OXCT1: variants seen among roughly 807,000 people sequenced by gnomAD.
OXCT1 encodes succinyl-CoA:3-ketoacid coenzyme A transferase 1, mitochondrial.
In OXCT1, 27 loss-of-function variants were observed where a neutral mutation model predicts 69.6. The observed-to-expected ratio is 0.39, with a 90% CI of 0.29 to 0.54. The LOEUF is 0.54. OXCT1 is among the 20% of genes least tolerant of loss of function. The pLI, the probability that OXCT1 is intolerant of heterozygous loss-of-function variation, is 0.72. For synonymous variants in OXCT1, 202 were observed against 217.8 expected (o/e 0.93, Z 0.64); for missense variants, 437 against 650.2 (o/e 0.67, Z 3.57).
chr5:41,733,475 G>A (rs1019259622), intron 16 of OXCT1, among the ~76,000 whole-genome samples: 15 of 152,058 alleles, frequency 9.9e-5, no homozygotes, highest in South Asian at 4.1e-4. Context: ...TTGAACTCCC[G>A]ACCTCAGGTG....
At chr5:41,790,392 G>A (rs1341336536) in intron 13 of OXCT1, among the ~76,000 whole-genome samples, 3 of 152,282 alleles carry the variant, frequency 2.0e-5, no homozygotes, top group South Asian at 4.1e-4. Flanking sequence ...AATCAGCAGC[G>A]AGCTTGAAGG....
chr5:41,865,403 C>A (rs867033884), intron 1 of OXCT1, among the ~76,000 whole-genome samples: 1 of 152,128 alleles, frequency 6.6e-6, no homozygotes, highest in Non-Finnish European at 1.5e-5. Context: ...CCCAGATAAT[C>A]AAAAGTTAAA....
intron 15 of OXCT1, among the ~76,000 whole-genome samples, chr5:41,743,177 G>A (rs1579639026): frequency 6.6e-6 from 1 of 152,272 alleles, no homozygotes; most frequent in South Asian, 2.1e-4. Flanking sequence ...CATTCTAACT[G>A]GTGTGAGATG....
intron 1 of OXCT1, among the ~76,000 whole-genome samples, chr5:41,866,183 G>T (rs1209654222): frequency 6.6e-6 from 1 of 152,118 alleles, no homozygotes; most frequent in East Asian, 1.9e-4. Flanking sequence ...CTCTACCAGG[G>T]CAGTAAGACC....
intron 4 of OXCT1, among the ~76,000 whole-genome samples, chr5:41,852,627 T>A (rs1190703571): frequency 6.6e-6 from 1 of 152,238 alleles, no homozygotes; most frequent in Non-Finnish European, 1.5e-5. Context: ...AGATTAATTA[T>A]AGTAACTGCT....
At chr5:41,746,950 C>G (rs920842757) in intron 15 of OXCT1, among the ~76,000 whole-genome samples, 47 of 152,130 alleles carry the variant, frequency 3.1e-4, no homozygotes, top group Non-Finnish European at 1.2e-4. Context: ...TCAAATCTCT[C>G]TATCTGTCCT....
chr5:41,769,622 G>A (rs1466427541), intron 13 of OXCT1, among the ~76,000 whole-genome samples: 1 of 150,058 alleles, frequency 6.7e-6, no homozygotes, highest in Non-Finnish European at 1.5e-5. Flanking sequence ...CCAGCTACTC[G>A]AGAAGCTGAG....
chr5:41,837,844 A>G lies in OXCT1; in HGVS notation c.732+2607T>C, dbSNP rs565382758. Reference sequence around the variant, plus strand: ...ACCTAAGCTGTGTGACATTGGGTATATAACTTAACCTCTCTATGCCTTAAA... The same window carrying G: ...ACCTAAGCTGTGTGACATTGGGTATGTAACTTAACCTCTCTATGCCTTAAA... On this transcript the variant is annotated intron_variant, in intron 7 of 16. Coordinates refer to ENST00000196371, the MANE Select transcript of OXCT1 (RefSeq NM_000436.4). Among the ~76,000 whole-genome samples the G allele has an allele frequency of 3.3e-5, 5 of 152,318 alleles. No homozygotes were observed. In the East Asian group the frequency reaches 9.6e-4, roughly 29 times the overall value.
At position 41,801,099 on chromosome 5, in the gene OXCT1, T is replaced by C. The variant is rs1304742887; in HGVS notation, c.1051-29A>G. 3.3e-6 allele frequency: 5 copies of C among 1,525,300 alleles called. No homozygotes were observed. In the African/African-American group the frequency reaches 4.1e-5, roughly 13 times the overall value. The allele number at this position is 1,525,300 out of a possible 1,614,324, so 94.5% of individuals were successfully genotyped here. On this transcript the variant is annotated intron_variant, in intron 10 of 16. Coordinates refer to ENST00000196371, the MANE Select transcript of OXCT1 (RefSeq NM_000436.4). ...TCAAATACAACATACATTCAATTAGTAAATGAAGATTCTCACTGAATCACA... is the reference window on the plus strand; with the variant it reads ...TCAAATACAACATACATTCAATTAGCAAATGAAGATTCTCACTGAATCACA...
At chr5:41,750,888 A>AGAG (rs1491359358) in intron 14 of OXCT1, among the ~76,000 whole-genome samples, 1 of 152,156 alleles carries the variant, frequency 6.6e-6, no homozygotes, top group Non-Finnish European at 1.5e-5. Context: ...GAAGAGAAAC[A>AGAG]GAGGTAAATT....
chr5:41,763,197 T>C (rs981841931), intron 13 of OXCT1, among the ~76,000 whole-genome samples: 1 of 151,902 alleles, frequency 6.6e-6, no homozygotes, highest in Non-Finnish European at 1.5e-5. Flanking sequence ...ATTTTACAGG[T>C]CAATGAAACA....
intron 7 of OXCT1, among the ~76,000 whole-genome samples, chr5:41,819,379 G>A (rs368731608): frequency 6.7e-6 from 1 of 149,048 alleles, no homozygotes; most frequent in African/African-American, 2.5e-5. Flanking sequence ...GGGGGGGATT[G>A]GGGGGGCAGG....
At chr5:41,735,769 T>G (rs901166725) in intron 16 of OXCT1, among the ~76,000 whole-genome samples, 5 of 152,180 alleles carry the variant, frequency 3.3e-5, no homozygotes, top group Non-Finnish European at 7.3e-5. Context: ...ACCTCCGGTG[T>G]GTCCCTTATT....
chr5:41,757,308 C>G (rs1466683917), intron 14 of OXCT1, among the ~76,000 whole-genome samples: 1 of 152,014 alleles, frequency 6.6e-6, no homozygotes, highest in Non-Finnish European at 1.5e-5. Context: ...CACTTAATCC[C>G]TGTCAAGCTG....
intron 7 of OXCT1, among the ~76,000 whole-genome samples, chr5:41,824,846 G>A (rs1489495285): frequency 6.6e-6 from 1 of 152,124 alleles, no homozygotes; most frequent in Non-Finnish European, 1.5e-5. Context: ...GCTTTTTATA[G>A]TTAACCTGTA....
intron 14 of OXCT1, among the ~76,000 whole-genome samples, chr5:41,755,203 G>GGTTTATTTAAATAAGGTTATTTAA (rs1744001844): frequency 6.6e-6 from 1 of 151,982 alleles, no homozygotes; most frequent in Admixed American, 6.6e-5. Context: ...AATTTAAAGT[G>GGTTTATTTAAATAAGGTTATTTAA]ATAAGGTTAA....
chr5:41,758,746 T>A (rs895148822), intron 14 of OXCT1, among the ~76,000 whole-genome samples: 11 of 152,152 alleles, frequency 7.2e-5, no homozygotes, highest in African/African-American at 2.7e-4. Context: ...CCAAGGCTGC[T>A]GCTGCAGTCA....
intron 13 of OXCT1, among the ~76,000 whole-genome samples, chr5:41,769,508 A>G (rs1365692347): frequency 2.0e-5 from 3 of 151,070 alleles, no homozygotes; most frequent in Non-Finnish European, 2.9e-5. Context: ...GGATCACTTA[A>G]GCCCGGGAGT....
intron 7 of OXCT1, among the ~76,000 whole-genome samples, chr5:41,810,113 T>C (rs1175413700): frequency 6.6e-6 from 1 of 151,950 alleles, no homozygotes; most frequent in Non-Finnish European, 1.5e-5. Context: ...GGCAGAACTA[T>C]CTTAATGCTA....
Sources: gnomAD v4.1 joint callset for allele counts (sites outside exome capture counted in the v4.1 genomes callset) on GRCh38, gnomAD v4.1.1 for gene constraint, MANE v1.5 for transcripts, NCBI Gene and HGNC (gene_info 2026-07-23, HGNC 2026-07-21) for gene names.